ATG10: variants seen among roughly 807,000 people sequenced by gnomAD.
The protein encoded by ATG10 is autophagy related 10.
ATG10 carries 30 observed loss-of-function variants against 32.1 expected under a neutral mutation model. That is an observed-to-expected ratio of 0.94 (90% CI 0.70 to 1.27). The LOEUF is 1.27. ATG10 is among the 50% of genes most tolerant of loss of function. ATG10 has a pLI of 0.00. For synonymous variants in ATG10, 87 were observed against 91.5 expected, an observed-to-expected ratio of 0.95 and a Z score of 0.28; for missense variants, 233 against 262.3, an observed-to-expected ratio of 0.89 and a Z score of 0.77.
At chr5:82,033,311 G>A (rs1762795717) in intron 2 of ATG10, among the ~76,000 whole-genome samples, 2 of 151,368 alleles carry the variant, frequency 1.3e-5, no homozygotes, top group African/African-American at 4.8e-5. Context: ...TGCAAAATTG[G>A]CACAATTATT....
At chr5:82,109,811 T>C (rs1765557648) in intron 3 of ATG10, among the ~76,000 whole-genome samples, 1 of 151,036 alleles carries the variant, frequency 6.6e-6, no homozygotes, top group African/African-American at 2.4e-5. Context: ...TATATATATA[T>C]TTTTATTATA....
intron 3 of ATG10, among the ~76,000 whole-genome samples, chr5:82,110,585 G>A (rs112851871): frequency 6.6e-6 from 1 of 152,014 alleles, no homozygotes; most frequent in African/African-American, 2.4e-5. Context: ...TCTGTTGGCT[G>A]CATAAATGTC....
chr5:81,997,531 C>A (rs1353906457), intron 2 of ATG10, among the ~76,000 whole-genome samples: 1 of 152,138 alleles, frequency 6.6e-6, no homozygotes, highest in Non-Finnish European at 1.5e-5. Context: ...AGCAATGGTT[C>A]TTAACTAGGC....
intron 3 of ATG10, among the ~76,000 whole-genome samples, chr5:82,132,473 C>G (rs2149843769): frequency 7.5e-6 from 1 of 132,796 alleles, no homozygotes; most frequent in South Asian, 2.5e-4. Context: ...TCTCATTGTT[C>G]AACTCCCACT....
intron 3 of ATG10, among the ~76,000 whole-genome samples, chr5:82,099,359 A>G (rs1170442141): frequency 2.5e-5 from 3 of 117,932 alleles, no homozygotes; most frequent in East Asian, 4.0e-4. Flanking sequence ...CTTAAGGGAT[A>G]TTGGTATAAT....
intron 3 of ATG10, among the ~76,000 whole-genome samples, chr5:82,163,609 A>C (rs1192849548): frequency 1.3e-5 from 2 of 152,194 alleles, no homozygotes; most frequent in African/African-American, 4.8e-5. Flanking sequence ...CCCAATAAAT[A>C]AGTGAAAGTG....
intron 5 of ATG10, among the ~76,000 whole-genome samples, chr5:82,237,513 G>A (rs1231364105): frequency 1.3e-5 from 2 of 151,874 alleles, no homozygotes; most frequent in Non-Finnish European, 2.9e-5. Flanking sequence ...ACATGGTGGC[G>A]TGCACCTCTA....
chr5:82,119,266 A>C (rs553336124), intron 3 of ATG10, among the ~76,000 whole-genome samples: 1 of 152,260 alleles, frequency 6.6e-6, no homozygotes, highest in South Asian at 2.1e-4. Context: ...TTTGTGGTCC[A>C]TTGCCCCTTT....
intron 3 of ATG10, among the ~76,000 whole-genome samples, chr5:82,139,632 G>C (rs1271263045): frequency 2.9e-5 from 4 of 139,006 alleles, no homozygotes; most frequent in African/African-American, 1.1e-4. Flanking sequence ...GAAGTGAGGA[G>C]CGTCTCCGCC....
chr5:81,980,578 G>T (rs1317531426), intron 1 of ATG10, among the ~76,000 whole-genome samples: 1 of 151,944 alleles, frequency 6.6e-6, no homozygotes, highest in Non-Finnish European at 1.5e-5. Flanking sequence ...TCCTTTCCTA[G>T]TGTTGAATCT....
chr5:82,154,208 T>A (rs1028316922), intron 3 of ATG10, among the ~76,000 whole-genome samples: 1 of 152,234 alleles, frequency 6.6e-6, no homozygotes, highest in Non-Finnish European at 1.5e-5. Context: ...GATGCACTAT[T>A]GGAACAAACC....
At chr5:82,039,277 A>G (rs1276311790) in intron 2 of ATG10, among the ~76,000 whole-genome samples, 3 of 152,234 alleles carry the variant, frequency 2.0e-5, no homozygotes, top group Non-Finnish European at 2.9e-5. Flanking sequence ...CATTCATTCC[A>G]TGAGTCACTT....
intron 2 of ATG10, among the ~76,000 whole-genome samples, chr5:82,018,563 T>C (rs760796642): frequency 4.6e-5 from 7 of 152,170 alleles, no homozygotes; most frequent in Non-Finnish European, 1.0e-4. Flanking sequence ...ACTCCCCTGA[T>C]TTCACCTCCT....
intron 3 of ATG10, among the ~76,000 whole-genome samples, chr5:82,087,758 G>A (rs1022429249): frequency 8.6e-5 from 13 of 151,924 alleles, no homozygotes; most frequent in African/African-American, 2.9e-4. Flanking sequence ...AGTGGTACAG[G>A]GCTGATATCC....
chr5:81,993,344 TTTC>T (rs1561244027), intron 2 of ATG10, among the ~76,000 whole-genome samples: 8 of 39,342 alleles, frequency 2.0e-4, no homozygotes, highest in Non-Finnish European at 3.3e-4. Flanking sequence ...TCCTTCTTTC[TTTC>T]TTTCTTTCTT....
In ATG10 at chr5:82,122,776, C is replaced by G. The variant is rs527859281; in HGVS notation, c.217-41623C>G. Among the ~76,000 whole-genome samples, 7 of 152,274 alleles carry G rather than the reference C, an allele frequency of 4.6e-5. No homozygotes were observed. In the South Asian group the frequency reaches 1.5e-3, roughly 32 times the overall value. On this transcript the variant is annotated intron_variant, in intron 3 of 7. Coordinates refer to ENST00000282185, the MANE Select transcript of ATG10 (RefSeq NM_031482.5). ...TGAAAAAATGCTCAATGTCTCTGAT[C>G]ATTAGAGAAATGCAAATCAAAACCA... is the stretch of plus-strand genomic sequence containing the variant.
chr5:82,035,155 G>A (rs1365593515), intron 2 of ATG10, among the ~76,000 whole-genome samples: 18 of 152,032 alleles, frequency 1.2e-4, no homozygotes, highest in South Asian at 6.2e-4. Context: ...CAGGTAATCC[G>A]CCTGCCTCAG....
intron 3 of ATG10, among the ~76,000 whole-genome samples, chr5:82,097,837 G>C (rs1765121736): frequency 6.6e-6 from 1 of 152,158 alleles, no homozygotes. Flanking sequence ...AATTCACTAT[G>C]GTGTGTGCTT....
chr5:82,052,496 G>T (rs966189508), intron 2 of ATG10, among the ~76,000 whole-genome samples: 4 of 152,178 alleles, frequency 2.6e-5, no homozygotes, highest in Non-Finnish European at 5.9e-5. Flanking sequence ...CTCTGGCAAT[G>T]TGGTGGCCTG....
Sources: allele counts gnomAD v4.1 joint callset (sites outside exome capture counted in the v4.1 genomes callset), GRCh38; gene constraint gnomAD v4.1.1; transcripts MANE v1.5; gene names NCBI Gene and HGNC (gene_info 2026-07-23, HGNC 2026-07-21).